DNAI4: variants seen among roughly 807,000 people sequenced by gnomAD.
DNAI4 encodes WD repeat domain 78.
Under a neutral mutation model 105.8 loss-of-function variants are expected in DNAI4, and 85 were observed. That is an observed-to-expected ratio of 0.80 (90% CI 0.67 to 0.96). DNAI4 has a LOEUF of 0.96. Ranked by LOEUF, DNAI4 falls within the 40% of genes least tolerant of loss-of-function variation. The pLI is 0.00. For synonymous variants in DNAI4, 352 were observed against 331.5 expected (o/e 1.06, Z -0.67); for missense variants, 1,014 against 1,005.6 (o/e 1.01, Z -0.11).
chr1:66,881,031 G>T (rs1024310899), intron 4 of DNAI4, among the ~76,000 whole-genome samples: 1 of 152,222 alleles, frequency 6.6e-6, no homozygotes, highest in Non-Finnish European at 1.5e-5. Context: ...AGCCTTGGCA[G>T]CTTCCATGTG....
intron 7 of DNAI4, among the ~76,000 whole-genome samples, chr1:66,857,210 A>C (rs1646519720): frequency 6.6e-6 from 1 of 151,870 alleles, no homozygotes; most frequent in Non-Finnish European, 1.5e-5. Flanking sequence ...GCTGGAAACC[A>C]TCATTCACAG....
chr1:66,868,343 G>A (rs552403243), intron 6 of DNAI4, among the ~76,000 whole-genome samples: 39 of 152,234 alleles, frequency 2.6e-4, no homozygotes, highest in African/African-American at 9.4e-4. Context: ...AACTTTATAT[G>A]TCAACCTGAC....
intron 2 of DNAI4, among the ~76,000 whole-genome samples, chr1:66,901,392 T>C (rs1648809245): frequency 6.6e-6 from 1 of 152,216 alleles, no homozygotes; most frequent in African/African-American, 2.4e-5. Flanking sequence ...TGGTATGTCA[T>C]GTCTTGATTA....
chr1:66,821,033 G>T (rs1035984240), intron 16 of DNAI4, among the ~76,000 whole-genome samples: 2 of 149,806 alleles, frequency 1.3e-5, no homozygotes, highest in Admixed American at 6.6e-5. Context: ...ATTTCTATAG[G>T]CTAGTCTCAG....
chr1:66,909,916 C>T (rs1649533078), intron 1 of DNAI4, among the ~76,000 whole-genome samples: 1 of 152,198 alleles, frequency 6.6e-6, no homozygotes, highest in African/African-American at 2.4e-5. Context: ...TTTGTCACCA[C>T]TCTTGTTGCT....
intron 2 of DNAI4, among the ~76,000 whole-genome samples, chr1:66,897,238 A>C (rs1184402569): frequency 6.6e-6 from 1 of 152,206 alleles, no homozygotes; most frequent in Non-Finnish European, 1.5e-5. Flanking sequence ...AGAGTGACAA[A>C]CTAGGATACC....
At chr1:66,854,055 G>A (rs977429083) in intron 7 of DNAI4, among the ~76,000 whole-genome samples, 2 of 152,150 alleles carry the variant, frequency 1.3e-5, no homozygotes, top group African/African-American at 4.8e-5. Context: ...AGAATCTACT[G>A]TATTTCTAAA....
chr1:66,906,838 ATTC>A (rs1649289960), intron 1 of DNAI4: 1 of 152,108 alleles, frequency 6.6e-6, no homozygotes, highest in Non-Finnish European at 1.5e-5. Context: ...CCTCCTTTAA[ATTC>A]TTCTCCCACC....
chr1:66,818,779 G>C (rs1481153667), intron 16 of DNAI4, among the ~76,000 whole-genome samples: 1 of 152,122 alleles, frequency 6.6e-6, no homozygotes, highest in Non-Finnish European at 1.5e-5. Flanking sequence ...CAGGCGTGGT[G>C]GTGGGTGCCT....
chr1:66,920,460 G>A lies in DNAI4; in HGVS notation c.170+4202C>T, dbSNP rs1053248409. ...CCTCCACTGAGCTGTTAACACTTAC[G>A]CTGTCTGTAGATGGCAAAGCTAAAA... On this transcript the variant is annotated intron_variant, in intron 1 of 16. Transcript: ENST00000371026. Among the ~76,000 whole-genome samples the A allele has an allele frequency of 1.3e-4, 20 of 152,272 alleles. No homozygotes were observed. The East Asian group carries it at 3.1e-3, about 23-fold the overall frequency.
At chr1:66,909,471 C>A (rs1038169089) in intron 1 of DNAI4, among the ~76,000 whole-genome samples, 4 of 151,658 alleles carry the variant, frequency 2.6e-5, no homozygotes, top group Admixed American at 1.3e-4. Context: ...TTTGACCCAG[C>A]TGTTTATTCT....
At position 66,836,770 on chromosome 1, in the gene DNAI4, A is replaced by G. The variant is rs368993609; in HGVS notation, c.1581+940T>C. ...TCGCTAAGTTTATTCAAACACTGTT[A>G]CAGCTATTACAGACTAGAGCTATTT... On this transcript the variant is annotated intron_variant, in intron 10 of 16. Transcript: ENST00000371026. Among the ~76,000 whole-genome samples, 6 of 152,340 alleles carry G rather than the reference A, an allele frequency of 3.9e-5. No individual in the cohort carries two copies. In the East Asian group the frequency reaches 7.7e-4, roughly 20 times the overall value.
At chr1:66,877,378 T>C (rs1221157352) in intron 4 of DNAI4, among the ~76,000 whole-genome samples, 2 of 152,190 alleles carry the variant, frequency 1.3e-5, no homozygotes, top group Non-Finnish European at 2.9e-5. Flanking sequence ...AGTTATATGG[T>C]AAAGCAATGG....
chr1:66,924,511 G>A (rs1650976953), intron 1 of DNAI4, 151 bp downstream of exon 1: 3 of 1,070,176 alleles, frequency 2.8e-6, no homozygotes, highest in East Asian at 2.6e-5. Flanking sequence ...GGTCGATAAA[G>A]GAGACATTGT....
chr1:66,889,681 T>G (rs1256760191), intron 4 of DNAI4, among the ~76,000 whole-genome samples: 1 of 152,138 alleles, frequency 6.6e-6, no homozygotes, highest in East Asian at 1.9e-4. Flanking sequence ...AAAAAATCCT[T>G]ATTGCACTCC....
chr1:66,823,500 G>A (rs1237930047), intron 15 of DNAI4, among the ~76,000 whole-genome samples: 11 of 147,906 alleles, frequency 7.4e-5, no homozygotes, highest in Non-Finnish European at 1.5e-4. Context: ...TTCCACAATG[G>A]TTGAACTAGT....
intron 16 of DNAI4, among the ~76,000 whole-genome samples, chr1:66,820,465 C>A (rs541144318): frequency 1.3e-5 from 2 of 151,966 alleles, no homozygotes; most frequent in South Asian, 4.1e-4. Context: ...AAAAAAGAGA[C>A]AAAAAACACT....
At chr1:66,845,852 G>A (rs1458127403) in intron 8 of DNAI4, among the ~76,000 whole-genome samples, 2 of 150,518 alleles carry the variant, frequency 1.3e-5, no homozygotes, top group African/African-American at 4.9e-5. Context: ...GTGTGTGTGT[G>A]TGTGGTGGGG....
chr1:66,868,339 A>G (rs1646773913), intron 6 of DNAI4, among the ~76,000 whole-genome samples: 1 of 152,198 alleles, frequency 6.6e-6, no homozygotes, highest in Admixed American at 6.5e-5. Context: ...GGTTAACTTT[A>G]TATGTCAACC....
Sources: allele counts gnomAD v4.1 joint callset (sites outside exome capture counted in the v4.1 genomes callset), GRCh38; gene constraint gnomAD v4.1.1; transcripts MANE v1.5; gene names NCBI Gene and HGNC (gene_info 2026-07-23, HGNC 2026-07-21).